Variants in CEP152 observed in about 807,000 individuals in gnomAD.
CEP152 encodes centrosomal protein of 152 kDa.
A neutral mutation model predicts 188.9 loss-of-function variants in CEP152; 132 were observed. The observed-to-expected ratio is 0.70, with a 90% CI of 0.61 to 0.81. The LOEUF (loss-of-function observed/expected upper bound fraction) is 0.81, where lower values mean the gene tolerates loss of function less well. Among genes scored for constraint, CEP152 ranks in the 30% least tolerant of loss-of-function variants. The pLI, the probability that CEP152 is intolerant of heterozygous loss-of-function variation, is 0.00. For missense variants in CEP152, 1,914 were observed against 1,969.8 expected (o/e 0.97, Z 0.54); for synonymous variants, 649 against 666.6 (o/e 0.97, Z 0.41).
rs757108755 is a variant in CEP152 at position 48,796,023 on chromosome 15, TA to T, written c.677del (p.Leu226Ter). The T allele has an allele frequency of 3.1e-6, 5 of 1,613,778 alleles. No individual in the cohort carries two copies. Among genetic ancestry groups the T allele is most frequent in the Non-Finnish European group, 4.2e-6 (5 of 1,179,830 alleles). ...CTTGATACCTACTCTCATTAGCTCCTAAAAATTGTTGTTGCAGGCCTTCGAA... is the reference window on the plus strand; with the variant it reads ...CTTGATACCTACTCTCATTAGCTCCTAAAATTGTTGTTGCAGGCCTTCGAA... ...DTFEGLQQQF[L>X]GANENSAENM... On this transcript the variant is annotated frameshift_variant, in exon 6 of 27. Transcript: ENST00000380950. LOFTEE classifies it high-confidence loss of function.
chr15:48,806,720 CTT>C (rs1898008404), intron 1 of CEP152, among the ~76,000 whole-genome samples: 1 of 152,218 alleles, frequency 6.6e-6, no homozygotes, highest in South Asian at 2.1e-4. Context: ...ATATCACAAA[CTT>C]TTGTGGAAGC....
At chr15:48,756,963 G>T (rs1225047545) in intron 19 of CEP152, among the ~76,000 whole-genome samples, 1 of 152,086 alleles carries the variant, frequency 6.6e-6, no homozygotes, top group Non-Finnish European at 1.5e-5. Flanking sequence ...GCACACACCT[G>T]CATAATTACT....
intron 15 of CEP152, among the ~76,000 whole-genome samples, chr15:48,767,735 T>C (rs1179898686): frequency 6.6e-6 from 1 of 152,228 alleles, no homozygotes; most frequent in Non-Finnish European, 1.5e-5. Context: ...TAGTAATCTA[T>C]GTTGAGGACT....
chr15:48,751,535 T>C (rs890144040), intron 21 of CEP152, among the ~76,000 whole-genome samples: 1 of 152,198 alleles, frequency 6.6e-6, no homozygotes, highest in African/African-American at 2.4e-5. Context: ...CCTTCTGAAT[T>C]AGAAATGTGT....
In CEP152 at chr15:48,756,091, G is replaced by T. The variant is rs2140667403; in HGVS notation, c.3157C>A (p.Leu1053Ile). 1 of 1,614,044 alleles carries T rather than the reference G, an allele frequency of 6.2e-7. No homozygotes were observed. The highest frequency in any genetic ancestry group is 2.2e-5 in the East Asian group (1 of 44,870). Reference protein sequence around the residue: ...EEDILTVLGVLLSDTQKEHIS... With the variant: ...EEDILTVLGVILSDTQKEHIS... ...TGCTCCTTTTGGGTATCACTTAAAAGAACCCCAAGTACAGTCAGGATGTCT... is the reference window on the plus strand; with the variant it reads ...TGCTCCTTTTGGGTATCACTTAAAATAACCCCAAGTACAGTCAGGATGTCT... The change falls in exon 20 of 27, where the codon CTT becomes ATT. Residue 1053 changes from leucine (L) to isoleucine (I), a missense_variant. Physicochemically the swap from Leu to Ile is conservative, Grantham distance 5. Coordinates refer to ENST00000380950, the MANE Select transcript of CEP152 (RefSeq NM_001194998.2).
chr15:48,765,846 G>T (rs964614861), intron 17 of CEP152, among the ~76,000 whole-genome samples: 2 of 151,494 alleles, frequency 1.3e-5, no homozygotes, highest in Non-Finnish European at 2.9e-5. Context: ...TAGAGACGGG[G>T]TTTCACCGTG....
intron 12 of CEP152, 86 bp from the exon 13 acceptor site, chr15:48,772,777 A>C: frequency 8.6e-7 from 1 of 1,157,318 alleles, no homozygotes; most frequent in Non-Finnish European, 1.3e-6. Context: ...CACAGTGGTG[A>C]ACATGTTTTG....
chr15:48,768,851 C>T (rs1567000129), intron 14 of CEP152, 105 bp downstream of exon 14: 2 of 821,520 alleles, frequency 2.4e-6, no homozygotes, highest in South Asian at 3.6e-5. Flanking sequence ...ATATACTTGT[C>T]TACTAACTCA....
chr15:48,786,317 A>C (rs556102013), intron 9 of CEP152, among the ~76,000 whole-genome samples: 1 of 152,198 alleles, frequency 6.6e-6, no homozygotes, highest in South Asian at 2.1e-4. Context: ...GAGGAACACT[A>C]TGAGCTCCAA....
At chr15:48,782,536 C>A (rs745808707) in intron 10 of CEP152, among the ~76,000 whole-genome samples, 2 of 152,036 alleles carry the variant, frequency 1.3e-5, no homozygotes, top group African/African-American at 2.4e-5. Context: ...TTAATAGGAG[C>A]GTAACACTCC....
chr15:48,740,615 CTTTTTTTTTTT>C (rs1225249199), intron 26 of CEP152: 2 of 68,846 alleles, frequency 2.9e-5, no homozygotes, highest in East Asian at 4.3e-4. Context: ...GTTACTCTTA[CTTTTTTTTTTT>C]TTTTTTTTTT....
rs1210115432 is a variant in CEP152, at chr15:48,762,449, G to A, written c.2504C>T (p.Ala835Val). The change falls in exon 18 of 27, where the codon GCT (alanine) becomes GTT (valine). Residue 835 changes from alanine (A) to valine (V), a missense_variant. Physicochemically the swap from Ala to Val is moderately conservative, Grantham distance 64. Transcript: ENST00000380950. ...EQEKDIAIKG[A>V]MKKLEIELEL... The stretch of plus-strand genomic sequence containing the variant: ...CAATTCAATTTCGAGTTTCTTCATA[G>A]CCCCCTTGATGGCTATGTCCTTCTC... The A allele has an allele frequency of 3.7e-6, 6 of 1,613,802 alleles. No homozygotes were observed. The highest frequency in any genetic ancestry group is 5.1e-6 in the Non-Finnish European group (6 of 1,179,930).
chr15:48,732,707 T>C (rs1052297596), intron 2 of CEP152, among the ~76,000 whole-genome samples: 2 of 151,468 alleles, frequency 1.3e-5, no homozygotes, highest in South Asian at 2.1e-4. Flanking sequence ...CAATGATGAA[T>C]CTCTGGTTAA....
intron 9 of CEP152, among the ~76,000 whole-genome samples, chr15:48,786,257 T>C (rs190155848): frequency 1.9e-4 from 29 of 152,258 alleles, no homozygotes; most frequent in African/African-American, 6.3e-4. Flanking sequence ...AAAGTCAGTT[T>C]GGTGGAGAGA....
chr15:48,772,593 A>T lies in CEP152; in HGVS notation c.1676T>A (p.Met559Lys). Reference sequence around the variant, plus strand: ...TAACTGAGACACCAGATGACGCTTCATTGAGTTGCTACCCAGCAAACGCTG... The same window carrying T: ...TAACTGAGACACCAGATGACGCTTCTTTGAGTTGCTACCCAGCAAACGCTG... ...EVQRLLGSNS[M>K]KRHLVSQLQN... Residue 559 changes from methionine (M) to lysine (K), a missense_variant, in exon 13 of 27, where the codon ATG becomes AAG. Coordinates refer to ENST00000380950, the MANE Select transcript of CEP152 (RefSeq NM_001194998.2). 6.2e-7 allele frequency: 1 copy of T among 1,614,094 alleles called. No individual in the cohort carries two copies. Among genetic ancestry groups the T allele is most frequent in the Non-Finnish European group, 8.5e-7 (1 of 1,180,000 alleles).
intron 9 of CEP152, among the ~76,000 whole-genome samples, chr15:48,786,837 G>T (rs950410943): frequency 9.9e-5 from 15 of 152,152 alleles, no homozygotes; most frequent in Non-Finnish European, 1.9e-4. Context: ...TCTATTGAAG[G>T]GGGTGGGGCA....
In CEP152 at chr15:48,809,848, A is replaced by G. The variant is rs187392231; in HGVS notation, c.-8+1113T>C. Among the ~76,000 whole-genome samples the G allele has an allele frequency of 2.6e-4, 40 of 152,334 alleles. No individual in the cohort carries two copies. The South Asian group carries it at 2.9e-3, about 11-fold the overall frequency. The stretch of plus-strand genomic sequence containing the variant: ...GTTTAGGGAATAAAGAGGATTCCGC[A>G]TATCTGAGAAAAGGTGAATGTGCAG... On this transcript the variant is annotated intron_variant, in intron 1 of 26. Coordinates refer to ENST00000380950, the MANE Select transcript of CEP152 (RefSeq NM_001194998.2).
At chr15:48,809,001 G>C (rs1898171563) in intron 1 of CEP152, among the ~76,000 whole-genome samples, 3 of 152,148 alleles carry the variant, frequency 2.0e-5, no homozygotes, top group African/African-American at 7.2e-5. Context: ...AGTATGTCTT[G>C]TTGTTACACT....
chr15:48,799,307 T>C (rs577081301), intron 2 of CEP152, among the ~76,000 whole-genome samples: 160 of 152,132 alleles, frequency 1.1e-3, no homozygotes, highest in African/African-American at 3.7e-3. Flanking sequence ...AAACAAAATA[T>C]GTATAGTAAA....
Sources: allele counts gnomAD v4.1 joint callset (sites outside exome capture counted in the v4.1 genomes callset), GRCh38; gene constraint gnomAD v4.1.1; transcripts MANE v1.5; gene names NCBI Gene and HGNC (gene_info 2026-07-23, HGNC 2026-07-21).